ANKRD18B: variants seen among roughly 807,000 people sequenced by gnomAD.
ANKRD18B encodes the protein ankyrin repeat domain-containing protein 18B.
ANKRD18B carries 75 observed loss-of-function variants against 111.8 expected under a neutral mutation model. That is an observed-to-expected ratio of 0.67 (90% confidence interval 0.56 to 0.81). The LOEUF is 0.81. Among genes scored for constraint, ANKRD18B ranks in the 40% least tolerant of loss-of-function variants. The probability of loss-of-function intolerance (pLI) is 0.00; values close to 1 mark genes in which losing one functional copy is unlikely to be tolerated. For missense variants in ANKRD18B, 1,038 were observed against 1,225.5 expected, an observed-to-expected ratio of 0.85 and a Z score of 2.28; for synonymous variants, 356 against 417.3, an observed-to-expected ratio of 0.85 and a Z score of 1.79.
At position 33,550,558 on chromosome 9, in the gene ANKRD18B, A is replaced by G; in HGVS notation, c.2196A>G (p.Lys732=). ...NLDETWTSKK[K]LFQVEIQPEE... The stretch of plus-strand genomic sequence containing the variant: ...ATGAGACATGGACTTCAAAGAAGAA[A>G]TTATTTCAAGTAGAAATTCAAGTAT... Residue 732 remains lysine (K), a synonymous_variant, in exon 12 of 19, where the codon AAA becomes AAG. Transcript: ENST00000684830. The G allele has an allele frequency of 5.2e-6, 8 of 1,536,012 alleles. No homozygotes were observed. The South Asian group carries it at 1.0e-4, about 19-fold the overall frequency.
At chr9:33,569,618 C>T (rs536302596) in intron 17 of ANKRD18B, among the ~76,000 whole-genome samples, 15 of 152,144 alleles carry the variant, frequency 9.9e-5, no homozygotes, top group East Asian at 9.6e-4. Flanking sequence ...TAATCACAAG[C>T]GAATGACAGG....
At chr9:33,567,347 T>C in intron 16 of ANKRD18B, 33 bp downstream of exon 16, 1 of 1,507,394 alleles carries the variant, frequency 6.6e-7, no homozygotes, top group African/African-American at 1.4e-5. Context: ...AGAAAATGAA[T>C]TAAACTCATT....
At chr9:33,556,798 T>G (rs1014298188) in intron 13 of ANKRD18B, among the ~76,000 whole-genome samples, 12 of 152,334 alleles carry the variant, frequency 7.9e-5, no homozygotes, top group Admixed American at 5.2e-4. Context: ...GCTTCTTTGT[T>G]TTTCTTTTAG....
chr9:33,567,039 G>A, intron 15 of ANKRD18B, 64 bp from the exon 16 acceptor site: 1 of 1,445,880 alleles, frequency 6.9e-7, no homozygotes, highest in Non-Finnish European at 9.2e-7. Flanking sequence ...AAAATGAAAG[G>A]CAACAAACAT....
chr9:33,572,518 A>G lies in ANKRD18B; in HGVS notation c.*84A>G. 1 of 1,375,106 alleles carries G rather than the reference A, an allele frequency of 7.3e-7. No homozygotes were observed. The highest frequency in any genetic ancestry group is 9.5e-7 in the Non-Finnish European group (1 of 1,051,724). The allele number at this position is 1,375,106 out of a possible 1,614,324, so 85.2% of individuals were successfully genotyped here. On this transcript the variant is annotated 3_prime_UTR_variant, in exon 19 of 19. Transcript: ENST00000684830. ...AATATAAAACATCACAATCTTTACT[A>G]AAGTAGAATATTTTCATATCATATG...
chr9:33,529,308 C>T, intron 3 of ANKRD18B, 135 bp downstream of exon 3: 1 of 1,302,510 alleles, frequency 7.7e-7, no homozygotes, highest in Non-Finnish European at 1.0e-6. Context: ...TAAAATTTTA[C>T]TTTAAATGTT....
At chr9:33,539,001 A>G (rs114696240) in intron 6 of ANKRD18B, among the ~76,000 whole-genome samples, 1,604 of 152,340 alleles carry the variant, frequency 0.011, 28 homozygotes, top group African/African-American at 0.036. Flanking sequence ...TAGGGTGCTC[A>G]TAATAGAATA....
intron 5 of ANKRD18B, among the ~76,000 whole-genome samples, chr9:33,535,225 C>A (rs1828178342): frequency 6.6e-6 from 1 of 151,972 alleles, no homozygotes; most frequent in Non-Finnish European, 1.5e-5. Flanking sequence ...CTTACTGATT[C>A]AGATCCCTCA....
intron 17 of ANKRD18B, chr9:33,569,143 C>A: frequency 6.0e-6 from 2 of 332,624 alleles, no homozygotes; most frequent in South Asian, 8.6e-5. Flanking sequence ...TAAAATTTCT[C>A]TAAAAGCTGC....
At chr9:33,541,253 T>G in intron 9 of ANKRD18B, 26 bp downstream of exon 9, 9 of 1,533,912 alleles carry the variant, frequency 5.9e-6, no homozygotes, top group Non-Finnish European at 7.9e-6. Context: ...ATCTCTACTC[T>G]TAACCATGTA....
chr9:33,565,742 G>C (rs1267582169), intron 14 of ANKRD18B, among the ~76,000 whole-genome samples: 1 of 151,990 alleles, frequency 6.6e-6, no homozygotes, highest in African/African-American at 2.4e-5. Flanking sequence ...TAAAGTGCTG[G>C]GATTACAAGC....
chr9:33,532,794 T>C (rs566906705), intron 3 of ANKRD18B, among the ~76,000 whole-genome samples: 52 of 152,278 alleles, frequency 3.4e-4, no homozygotes, highest in African/African-American at 1.2e-3. Flanking sequence ...CTCTGGCAAC[T>C]GTATCCCTGA....
intron 3 of ANKRD18B, among the ~76,000 whole-genome samples, chr9:33,532,831 T>A (rs913934076): frequency 1.1e-4 from 16 of 152,188 alleles, no homozygotes; most frequent in African/African-American, 3.9e-4. Context: ...ATGTTAATGT[T>A]TGCCACAAAA....
Position 33,524,603 on chromosome 9 carries a change from C to A in ANKRD18B, c.114C>A (p.Ile38=). The change falls in exon 1 of 19, where the codon ATC becomes ATA. Residue 38 remains isoleucine (I), a synonymous_variant. Transcript: ENST00000684830. ...YHIRDWELRK[I]HRAAIKGDAA... ...TTCGGGACTGGGAACTGCGGAAGATCCACAGGGCGGCCATCAAGGGCGACG... is the reference window on the plus strand; with the variant it reads ...TTCGGGACTGGGAACTGCGGAAGATACACAGGGCGGCCATCAAGGGCGACG... 6.4e-7 allele frequency: 1 copy of A among 1,551,558 alleles called. No homozygotes were observed. The highest frequency in any genetic ancestry group is 8.7e-7 in the Non-Finnish European group (1 of 1,146,882).
At chr9:33,525,312 C>T (rs1289537467) in intron 1 of ANKRD18B, among the ~76,000 whole-genome samples, 2 of 152,096 alleles carry the variant, frequency 1.3e-5, no homozygotes, top group African/African-American at 4.8e-5. Flanking sequence ...TTAATTCCCA[C>T]AATTAATTAT....
chr9:33,568,458 T>C (rs925504904), intron 16 of ANKRD18B, among the ~76,000 whole-genome samples: 1 of 152,248 alleles, frequency 6.6e-6, no homozygotes, highest in Non-Finnish European at 1.5e-5. Context: ...GCTTGTTCAG[T>C]AGAAATCACC....
chr9:33,533,091 T>C (rs1238040352), intron 3 of ANKRD18B, among the ~76,000 whole-genome samples: 1 of 152,098 alleles, frequency 6.6e-6, no homozygotes, highest in Non-Finnish European at 1.5e-5. Flanking sequence ...TTTAGGGTTA[T>C]AGAGAAAAAA....
chr9:33,570,747 C>T (rs1202126412), intron 17 of ANKRD18B, among the ~76,000 whole-genome samples: 1 of 150,710 alleles, frequency 6.6e-6, no homozygotes, highest in Non-Finnish European at 1.5e-5. Context: ...AAGCCATTTT[C>T]CTGCCTCAGC....
intron 10 of ANKRD18B, among the ~76,000 whole-genome samples, chr9:33,544,007 C>T (rs1828320792): frequency 6.6e-6 from 1 of 152,100 alleles, no homozygotes; most frequent in Non-Finnish European, 1.5e-5. Context: ...GATTGGTATT[C>T]ATTTTGGCTT....
Sources: gnomAD v4.1 joint callset for allele counts (sites outside exome capture counted in the v4.1 genomes callset) on GRCh38, gnomAD v4.1.1 for gene constraint, MANE v1.5 for transcripts, NCBI Gene and HGNC (gene_info 2026-07-23, HGNC 2026-07-21) for gene names.